ENOX2: variants seen among roughly 807,000 people sequenced by gnomAD.
The protein encoded by ENOX2 is APK1 antigen.
In ENOX2, 36 loss-of-function variants were observed where a neutral mutation model predicts 45.0. The observed-to-expected ratio is 0.80, with a 90% CI of 0.61 to 1.06. The LOEUF (loss-of-function observed/expected upper bound fraction) is 1.06. Among genes scored for constraint, ENOX2 ranks in the 50% least tolerant of loss-of-function variants. The pLI, the probability that ENOX2 is intolerant of heterozygous loss-of-function variation, is 0.00. For missense variants in ENOX2, 423 were observed against 462.5 expected (o/e 0.91, Z 0.78); for synonymous variants, 174 against 152.3 (o/e 1.14, Z -1.05).
intron 2 of ENOX2, among the ~76,000 whole-genome samples, chrX:130,894,394 T>G (rs1375489495): frequency 1.9e-5 from 2 of 107,431 alleles, no homozygotes; most frequent in Admixed American, 2.0e-4. Context: ...TTTCCTGATG[T>G]CTATGATGGT....
intron 2 of ENOX2, among the ~76,000 whole-genome samples, chrX:130,791,178 T>C (rs1013046754): frequency 3.6e-5 from 4 of 111,532 alleles, no homozygotes; most frequent in African/African-American, 1.3e-4. Flanking sequence ...TGTTAGCCTA[T>C]ACTTTTCCTG....
chrX:130,646,452 T>C (rs1345062598), intron 10 of ENOX2: 1 of 183,826 alleles, frequency 5.4e-6, no homozygotes, highest in East Asian at 1.7e-4. Flanking sequence ...TTAGGAAACC[T>C]TGGCTTTGAC....
rs780707379 is a variant in ENOX2, at chrX:130,631,441, G to C, written c.1528+27C>G. 8 of 834,309 alleles carry C rather than the reference G, an allele frequency of 9.6e-6. 1 individual carries two copies. The African/African-American group carries it at 1.4e-4, about 15-fold the overall frequency. 68.8% of individuals were successfully genotyped at this position (834,309 alleles called of 1,213,427 possible). ...CCTCCATTGTACCCAGGCATTGTAC[G>C]TGGCATGTGTGCATTAGCTTCCTTA... On this transcript the variant is annotated intron_variant, in intron 13 of 14. Coordinates refer to ENST00000394363, the MANE Select transcript of ENOX2 (RefSeq NM_006375.4).
rs145870987 is a variant in ENOX2, at chrX:130,639,926, A to G, written c.1130-2516T>C. On this transcript the variant is annotated intron_variant, in intron 10 of 14. Transcript: ENST00000394363. ...TCCGTTTTAACTGCTATAACCAAAT[A>G]CCACAAACTGGGTAGCTTATGAACA... 4.0e-3 allele frequency among the ~76,000 whole-genome samples: 443 copies of G among 112,034 alleles called. 3 individuals are homozygous for G. Among genetic ancestry groups the G allele is most frequent in the African/African-American group, 0.014 (426 of 30,843 alleles).
chrX:130,887,152 T>C (rs1402660234), intron 2 of ENOX2, among the ~76,000 whole-genome samples: 1 of 111,054 alleles, frequency 9.0e-6, no homozygotes, highest in African/African-American at 3.3e-5. Context: ...GAAGGAAAAA[T>C]AAAAGAAAGA....
chrX:130,746,350 C>G (rs903989083), intron 3 of ENOX2, among the ~76,000 whole-genome samples: 4 of 111,831 alleles, frequency 3.6e-5, no homozygotes, highest in African/African-American at 1.3e-4. Flanking sequence ...TAATGTGTAC[C>G]TGCTTCACTG....
intron 4 of ENOX2, 65 bp from the exon 5 acceptor site, chrX:130,689,083 CTT>C: frequency 1.0e-6 from 1 of 989,668 alleles, no homozygotes; most frequent in Non-Finnish European, 1.4e-6. Context: ...TAGAATGTTA[CTT>C]TGTAAGCTTC....
chrX:130,844,065 A>T (rs1279283613), intron 2 of ENOX2, among the ~76,000 whole-genome samples: 1 of 111,865 alleles, frequency 8.9e-6, no homozygotes, highest in Non-Finnish European at 1.9e-5. Flanking sequence ...TAATCCCCAC[A>T]ATCTTTGCCT....
chrX:130,850,720 G>A (rs763196177), intron 2 of ENOX2, among the ~76,000 whole-genome samples: 3 of 112,160 alleles, frequency 2.7e-5, no homozygotes, highest in African/African-American at 6.5e-5. Context: ...CAACGAACAC[G>A]TTTTATATGT....
At position 130,684,454 on chromosome X, in the gene ENOX2, G is replaced by C. The variant is rs1212054416; in HGVS notation, c.253+4409C>G. Among the ~76,000 whole-genome samples the C allele has an allele frequency of 2.7e-5, 3 of 111,830 alleles. No individual in the cohort carries two copies. The Admixed American group carries it at 2.8e-4, about 11-fold the overall frequency. On this transcript the variant is annotated intron_variant, in intron 5 of 14. Coordinates refer to ENST00000394363, the MANE Select transcript of ENOX2 (RefSeq NM_006375.4). ...TAGACACACCCAGAATAGTCTAGTA[G>C]GCAGTTGGCTACATGTATCTGAAGC... is the stretch of plus-strand genomic sequence containing the variant.
At chrX:130,641,725 A>G (rs1043529674) in intron 10 of ENOX2, among the ~76,000 whole-genome samples, 5 of 108,355 alleles carry the variant, frequency 4.6e-5, no homozygotes, top group Non-Finnish European at 9.6e-5. Flanking sequence ...CTCCAAAAAA[A>G]AAAAAAAAAA....
intron 2 of ENOX2, among the ~76,000 whole-genome samples, chrX:130,833,048 CACACACAA>C (rs1257402264): frequency 6.0e-4 from 66 of 109,870 alleles, no homozygotes; most frequent in Non-Finnish European, 1.1e-3. Flanking sequence ...CACACACACA[CACACACAA>C]ACAGCACTGA....
At chrX:130,898,450 G>T (rs765481447) in intron 2 of ENOX2, among the ~76,000 whole-genome samples, 1 of 111,696 alleles carries the variant, frequency 9.0e-6, no homozygotes, top group East Asian at 2.8e-4. Flanking sequence ...ACCATTACAG[G>T]ATTTTTCCTA....
intron 10 of ENOX2, among the ~76,000 whole-genome samples, chrX:130,649,331 A>C (rs1054180286): frequency 4.5e-5 from 5 of 110,946 alleles, no homozygotes; most frequent in African/African-American, 1.6e-4. Flanking sequence ...AAAAAAAAAA[A>C]ATCCACATTA....
chrX:130,651,670 T>G (rs2036404197), intron 10 of ENOX2, among the ~76,000 whole-genome samples: 1 of 112,011 alleles, frequency 8.9e-6, no homozygotes, highest in Non-Finnish European at 1.9e-5. Flanking sequence ...CTCACTGATT[T>G]CTTCCTTCCA....
intron 2 of ENOX2, among the ~76,000 whole-genome samples, chrX:130,892,278 G>A (rs1295181050): frequency 6.2e-5 from 7 of 112,361 alleles, no homozygotes; most frequent in Non-Finnish European, 9.4e-5. Flanking sequence ...GCATCTTATG[G>A]TAAATCAGCA....
chrX:130,738,962 C>T (rs756808951), intron 3 of ENOX2, among the ~76,000 whole-genome samples: 21 of 112,229 alleles, frequency 1.9e-4, no homozygotes, highest in Non-Finnish European at 1.3e-4. Context: ...ATGCTTCTAT[C>T]ACTGAAGGAA....
At chrX:130,785,640 G>C (rs775808346) in intron 2 of ENOX2, among the ~76,000 whole-genome samples, 1 of 112,008 alleles carries the variant, frequency 8.9e-6, no homozygotes, top group African/African-American at 3.2e-5. Flanking sequence ...AAAAAAAATT[G>C]AGATCATGAC....
At position 130,859,338 on chromosome X, in the gene ENOX2, AAAAACAAAAC is replaced by A. The variant is rs752415604; in HGVS notation, c.-183+42336_-183+42345del. On this transcript the variant is annotated intron_variant, in intron 2 of 14. Transcript: ENST00000394363. Reference sequence around the variant, plus strand: ...TAGAGCAAGACTCTGTCTCAAAAACAAAAACAAAACAAAACAAAACAAAAAAACAAAAAAA... The same window carrying A: ...TAGAGCAAGACTCTGTCTCAAAAACAAAAACAAAACAAAAAAACAAAAAAA... Among the ~76,000 whole-genome samples the A allele has an allele frequency of 1.2e-3, 131 of 112,553 alleles. 2 individuals are homozygous for A. The East Asian group carries it at 0.034, about 29-fold the overall frequency.
Sources: allele counts gnomAD v4.1 joint callset (sites outside exome capture counted in the v4.1 genomes callset), GRCh38; gene constraint gnomAD v4.1.1; transcripts MANE v1.5; gene names NCBI Gene and HGNC (gene_info 2026-07-23, HGNC 2026-07-21).